The following MRPL4 variants were observed in gnomAD, a reference collection of about 807,000 sequenced individuals.
MRPL4 encodes the protein large ribosomal subunit protein uL4m.
MRPL4 carries 34 observed loss-of-function variants against 34.1 expected under a neutral mutation model. The ratio of observed to expected loss-of-function variants is 1.00; its 90% CI spans 0.76 to 1.33. The LOEUF (loss-of-function observed/expected upper bound fraction) is 1.33, where lower values mean the gene tolerates loss of function less well. Ranked by LOEUF, MRPL4 falls within the 40% of genes most tolerant of loss-of-function variation. The pLI is 0.00. For synonymous variants in MRPL4, 196 were observed against 188.3 expected (o/e 1.04, Z -0.33); for missense variants, 402 against 434.6 (o/e 0.92, Z 0.67).
At chr19:10,253,492 A>G (rs2145466470) in intron 3 of MRPL4, among the ~76,000 whole-genome samples, 1 of 150,284 alleles carries the variant, frequency 6.7e-6, no homozygotes, top group East Asian at 2.0e-4. Context: ...AAAAAAAGAA[A>G]GAAAAGAAAA....
intron 8 of MRPL4, 174 bp from the exon 9 acceptor site, chr19:10,259,443 T>C: frequency 7.0e-7 from 1 of 1,428,848 alleles, no homozygotes; most frequent in Non-Finnish European, 9.1e-7. Context: ...GCCAGAGGCT[T>C]ACAGGCAACA....
chr19:10,252,526 C>T (rs563534607), intron 2 of MRPL4, 25 bp from the exon 3 acceptor site: 91 of 1,613,364 alleles, frequency 5.6e-5, no homozygotes, highest in South Asian at 3.1e-4. Flanking sequence ...TTGACCCTAA[C>T]CTCTGACCCC....
chr19:10,253,021 A>G (rs2039810474), intron 3 of MRPL4: 2 of 341,110 alleles, frequency 5.9e-6, no homozygotes, highest in Non-Finnish European at 1.1e-5. Flanking sequence ...TGATGAATAA[A>G]TGACTTAATT....
In MRPL4 at chr19:10,258,338, T is replaced by TG. The variant is rs755008765; in HGVS notation, c.552+17dup. On this transcript the variant is annotated intron_variant, in intron 6 of 8. Coordinates refer to ENST00000253099, the MANE Select transcript of MRPL4 (RefSeq NM_015956.3). The stretch of plus-strand genomic sequence containing the variant: ...CGTCAAGCTGGCCCAGGTACAGCCA[T>TG]GGGGGGGCCCAGACAGCTGCTAGAG... 1.5e-5 allele frequency: 25 copies of TG among 1,613,582 alleles called. No homozygotes were observed. In the East Asian group the frequency reaches 4.2e-4, roughly 27 times the overall value.
rs766464109 is a variant in MRPL4 at position 10,258,344 on chromosome 19, G to A, written c.552+16G>A. On this transcript the variant is annotated intron_variant, in intron 6 of 8. Coordinates refer to ENST00000253099, the MANE Select transcript of MRPL4 (RefSeq NM_015956.3). Reference sequence around the variant, plus strand: ...GCTGGCCCAGGTACAGCCATGGGGGGGCCCAGACAGCTGCTAGAGGTGGGG... The same window carrying A: ...GCTGGCCCAGGTACAGCCATGGGGGAGCCCAGACAGCTGCTAGAGGTGGGG... 17 of 1,613,822 alleles carry A rather than the reference G, an allele frequency of 1.1e-5. No homozygotes were observed. Among genetic ancestry groups the A allele is most frequent in the Middle Eastern group, 1.6e-4 (1 of 6,080 alleles).
chr19:10,256,904 C>T (rs1462357485), intron 5 of MRPL4, 79 bp downstream of exon 5: 8 of 1,124,838 alleles, frequency 7.1e-6, no homozygotes, highest in Middle Eastern at 3.1e-4. Flanking sequence ...CACACAGCTG[C>T]GCACATCTGG....
intron 3 of MRPL4, among the ~76,000 whole-genome samples, chr19:10,253,365 G>A (rs1162494407): frequency 6.6e-6 from 1 of 150,724 alleles, no homozygotes; most frequent in African/African-American, 2.4e-5. Flanking sequence ...TGTAGTCCCA[G>A]GTACTCTGGA....
At chr19:10,259,586 G>GCCCCCCGCCCCGCCCCCACCCCGC (rs2039890355) in intron 8 of MRPL4, 31 bp from the exon 9 acceptor site, 6 of 1,462,340 alleles carry the variant, frequency 4.1e-6, no homozygotes, top group Non-Finnish European at 5.4e-6. Flanking sequence ...GGCCTGACCG[G>GCCCCCCGCCCCGCCCCCACCCCGC]CCCCCCGCCC....
Position 10,258,230 on chromosome 19 carries a change from G to A in MRPL4, c.454G>A (p.Ala152Thr). The A allele has an allele frequency of 1.2e-6, 2 of 1,613,572 alleles. No homozygotes were observed. The highest frequency in any genetic ancestry group is 1.7e-6 in the Non-Finnish European group (2 of 1,179,660). Residue 152 changes from alanine (A) to threonine (T), a missense_variant, in exon 6 of 9, where the codon GCC (alanine) becomes ACC (threonine). Physicochemically the swap from Ala to Thr is moderately conservative, Grantham distance 58. Coordinates refer to ENST00000253099, the MANE Select transcript of MRPL4 (RefSeq NM_015956.3). Reference protein sequence around the residue: ...RSPLWRGGGVAHGPRGPTSYY... With the variant: ...RSPLWRGGGVTHGPRGPTSYY... Reference sequence around the variant, plus strand: ...TGCCTCTGTCCCCGCAGGAGGTGTTGCCCATGGCCCCCGGGGCCCCACAAG... The same window carrying A: ...TGCCTCTGTCCCCGCAGGAGGTGTTACCCATGGCCCCCGGGGCCCCACAAG...
At position 10,258,613 on chromosome 19, in the gene MRPL4, C is replaced by T. The variant is rs34883988; in HGVS notation, c.667C>T (p.His223Tyr). The T allele has an allele frequency of 2.2e-4, 351 of 1,614,228 alleles. No homozygotes were observed. In the African/African-American group the frequency reaches 4.4e-3, roughly 20 times the overall value. ...GDSVLLVDLT[H>Y]EEMPQSIVEA... ...ACTCCCTGGCCTCTCTTACAGAACA[C>T]ACGAGGAGATGCCACAGAGCATCGT... The change falls in exon 8 of 9, where the codon CAC (histidine) becomes TAC (tyrosine). Residue 223 changes from histidine (H) to tyrosine (Y), a missense_variant. Physicochemically the swap from His to Tyr is moderately conservative, Grantham distance 83 (BLOSUM62 2). Coordinates refer to ENST00000253099, the MANE Select transcript of MRPL4 (RefSeq NM_015956.3).
In MRPL4 at chr19:10,258,444, T is replaced by G. The variant is rs1568285165; in HGVS notation, c.584T>G (p.Leu195Arg). 13 of 1,613,912 alleles carry G rather than the reference T, an allele frequency of 8.1e-6. No homozygotes were observed. Among genetic ancestry groups the G allele is most frequent in the Non-Finnish European group, 1.1e-5 (13 of 1,179,964 alleles). Reference sequence around the variant, plus strand: ...CTGCACATCATGGACTCCCTAGAGCTGCCCACCGGAGACCCACAGTACCTG... The same window carrying G: ...CTGCACATCATGGACTCCCTAGAGCGGCCCACCGGAGACCCACAGTACCTG... ...DDLHIMDSLE[L>R]PTGDPQYLTE... The change falls in exon 7 of 9, where the codon CTG becomes CGG. Residue 195 changes from leucine to arginine, a missense_variant. Leu to Arg is a moderately radical substitution (Grantham distance 102, BLOSUM62 -2). Coordinates refer to ENST00000253099, the MANE Select transcript of MRPL4 (RefSeq NM_015956.3).
intron 8 of MRPL4, chr19:10,259,217 C>A: frequency 7.5e-7 from 1 of 1,326,310 alleles, no homozygotes; most frequent in African/African-American, 1.5e-5. Flanking sequence ...GTCCCTCAAC[C>A]CACGCCCCTC....
At chr19:10,259,444 A>G (rs1599255469) in intron 8 of MRPL4, 173 bp from the exon 9 acceptor site, 1 of 1,428,636 alleles carries the variant, frequency 7.0e-7, no homozygotes, top group East Asian at 2.6e-5. Flanking sequence ...CCAGAGGCTT[A>G]CAGGCAACAA....
At chr19:10,258,100 C>A in intron 5 of MRPL4, 122 bp from the exon 6 acceptor site, 1 of 672,800 alleles carries the variant, frequency 1.5e-6, no homozygotes, top group Non-Finnish European at 2.6e-6. Context: ...AGGCCCCACC[C>A]TCTCTGCCTT....
In MRPL4 at chr19:10,252,416, A is replaced by T. The variant is rs1306286974; in HGVS notation, c.77A>T (p.Glu26Val). 1 of 1,613,730 alleles carries T rather than the reference A, an allele frequency of 6.2e-7. No homozygotes were observed. Among genetic ancestry groups the T allele is most frequent in the Admixed American group, 1.7e-5 (1 of 59,972 alleles). ...TGSQGLSSLA[E>V]EAARATENPE... ...TTGCAGGGCCTGAGTTCCCTGGCGG[A>T]AGAGGCAGCGCGTGCGACCGAGAAC... The change falls in exon 2 of 9, where the codon GAA becomes GTA. Residue 26 changes from glutamate to valine, a missense_variant. Coordinates refer to ENST00000253099, the MANE Select transcript of MRPL4 (RefSeq NM_015956.3).
chr19:10,252,169 G>A (rs2039795953), upstream of MRPL4: 1 of 1,435,772 alleles, frequency 7.0e-7, no homozygotes, highest in Non-Finnish European at 9.2e-7. Context: ...CGGGTAGGGC[G>A]GCGTCGCGTG....
chr19:10,257,609 T>C (rs1238020951), intron 5 of MRPL4, among the ~76,000 whole-genome samples: 1 of 152,144 alleles, frequency 6.6e-6, no homozygotes, highest in Non-Finnish European at 1.5e-5. Context: ...CACCAACACA[T>C]GGTGCTTGCA....
rs1187753179 is a variant in MRPL4 at position 10,254,600 on chromosome 19, T to C, written c.287T>C (p.Leu96Pro). The C allele has an allele frequency of 6.2e-7, 1 of 1,613,852 alleles. No homozygotes were observed. Among genetic ancestry groups the C allele is most frequent in the East Asian group, 2.2e-5 (1 of 44,896 alleles). Residue 96 changes from leucine to proline, a missense_variant, in exon 4 of 9, where the codon CTG (leucine) becomes CCG (proline). Leu to Pro is a moderately conservative substitution (Grantham distance 98). Coordinates refer to ENST00000253099, the MANE Select transcript of MRPL4 (RefSeq NM_015956.3). ...CTTCCTCCCCGCAGGCTGGACATAC[T>C]GCACCAGGTTGCTATGTGGCAGAAG... Reference protein sequence around the residue: ...VFATAPRLDILHQVAMWQKNF... With the variant: ...VFATAPRLDIPHQVAMWQKNF...
intron 4 of MRPL4, among the ~76,000 whole-genome samples, chr19:10,255,917 A>G (rs2039846996): frequency 6.6e-6 from 1 of 151,976 alleles, no homozygotes; most frequent in East Asian, 1.9e-4. Context: ...AGGCCAAGGC[A>G]GGTGGATCAC....
Sources: allele counts gnomAD v4.1 joint callset (sites outside exome capture counted in the v4.1 genomes callset), GRCh38; gene constraint gnomAD v4.1.1; transcripts MANE v1.5; gene names NCBI Gene and HGNC (gene_info 2026-07-23, HGNC 2026-07-21).